The following RORA variants were observed in gnomAD, a reference collection of about 807,000 sequenced individuals.
RORA encodes the protein nuclear receptor ROR-alpha.
RORA carries 7 observed loss-of-function variants against 69.5 expected under a neutral mutation model. The observed-to-expected ratio is 0.10, with a 90% CI of 0.06 to 0.19. RORA has a LOEUF of 0.19. RORA is among the 10% of genes least tolerant of loss of function. The pLI, the probability that RORA is intolerant of heterozygous loss-of-function variation, is 1.00. For missense variants in RORA, 457 were observed against 663.0 expected, an observed-to-expected ratio of 0.69 and a Z score of 3.41; for synonymous variants, 261 against 240.8, an observed-to-expected ratio of 1.08 and a Z score of -0.78.
chr15:60,855,963 TA>T (rs2073375516), intron 1 of RORA, among the ~76,000 whole-genome samples: 1 of 152,186 alleles, frequency 6.6e-6, no homozygotes, highest in Non-Finnish European at 1.5e-5. Context: ...ATTGAACTAA[TA>T]TTAAATACAG....
At chr15:60,702,804 C>T (rs1393349457) in intron 1 of RORA, among the ~76,000 whole-genome samples, 1 of 152,192 alleles carries the variant, frequency 6.6e-6, no homozygotes, top group Non-Finnish European at 1.5e-5. Flanking sequence ...TTCTTGAAGG[C>T]TGACTTTAAC....
At chr15:60,880,829 G>A (rs1463971430) in intron 1 of RORA, among the ~76,000 whole-genome samples, 1 of 152,122 alleles carries the variant, frequency 6.6e-6, no homozygotes, top group Non-Finnish European at 1.5e-5. Context: ...ATACGTGTCT[G>A]ACCTGAGAAA....
At chr15:60,993,644 CAAAAAAAAA>C (rs3053932) in intron 1 of RORA, among the ~76,000 whole-genome samples, 3 of 83,076 alleles carry the variant, frequency 3.6e-5, no homozygotes, top group Non-Finnish European at 6.6e-5. Flanking sequence ...CTCTCCATCT[CAAAAAAAAA>C]AAAAAAAAAA....
intron 1 of RORA, among the ~76,000 whole-genome samples, chr15:61,175,542 A>AAATAAAAAAT (rs72087612): frequency 2.4e-5 from 1 of 41,856 alleles, no homozygotes; most frequent in African/African-American, 6.2e-5. Flanking sequence ...TCCTGTTTCT[A>AAATAAAAAAT]AAAAAAAAAA....
chr15:60,980,379 G>A (rs967486914), intron 1 of RORA, among the ~76,000 whole-genome samples: 2 of 152,098 alleles, frequency 1.3e-5, no homozygotes, highest in African/African-American at 4.8e-5. Flanking sequence ...AAGTATCAGG[G>A]TAATACTGAC....
rs557838014 is a variant in RORA, at chr15:60,563,866, A to T, written c.197-32015T>A. ...ACACACACAGGTAGCGATGGCCTAC[A>T]TATTTATTTTCAAGCAATGTTTTCC... On this transcript the variant is annotated intron_variant, in intron 2 of 10. Transcript: ENST00000335670. 2.2e-4 allele frequency among the ~76,000 whole-genome samples: 34 copies of T among 152,184 alleles called. 3 individuals carry two copies. The South Asian group carries it at 7.1e-3, about 32-fold the overall frequency.
intron 1 of RORA, among the ~76,000 whole-genome samples, chr15:61,100,654 T>A (rs112290377): frequency 2.8e-4 from 42 of 152,136 alleles, no homozygotes; most frequent in African/African-American, 1.0e-3. Context: ...GGGGCTGCAC[T>A]CCCCCTAATG....
chr15:61,132,981 C>A (rs1362919363), intron 1 of RORA, among the ~76,000 whole-genome samples: 1 of 151,992 alleles, frequency 6.6e-6, no homozygotes, highest in Non-Finnish European at 1.5e-5. Context: ...ATAAAAATAG[C>A]CTGCTTTTTT....
chr15:60,993,716 C>G lies in RORA; in HGVS notation c.166+235337G>C, dbSNP rs138215217. 6.6e-5 allele frequency among the ~76,000 whole-genome samples: 10 copies of G among 151,278 alleles called. No individual in the cohort carries two copies. The East Asian group carries it at 1.9e-3, about 29-fold the overall frequency. The stretch of plus-strand genomic sequence containing the variant: ...GTAGATACATTGTTATGATCAGTAC[C>G]GCATTTAATTCTCATTCAACCAGTC... On this transcript the variant is annotated intron_variant, in intron 1 of 10. Transcript: ENST00000335670.
intron 2 of RORA, among the ~76,000 whole-genome samples, chr15:60,612,659 C>CTTTTTTTTTTT (rs1567123636): frequency 8.5e-6 from 1 of 117,326 alleles, no homozygotes. Context: ...CTCTCTCTCT[C>CTTTTTTTTTTT]TGTTTTTTTT....
At chr15:61,161,887 T>G (rs11631611) in intron 1 of RORA, among the ~76,000 whole-genome samples, 24,564 of 152,152 alleles carry the variant, frequency 0.16, 2,182 homozygotes, top group African/African-American at 0.19. Context: ...TTCAATAAAT[T>G]ATGGTATAAT....
chr15:60,556,911 A>G (rs540621678), intron 2 of RORA: 114 of 1,613,468 alleles, frequency 7.1e-5, no homozygotes, highest in Admixed American at 2.5e-4. Context: ...GTGGCTTGCC[A>G]TTCTGCCTCC....
chr15:61,099,844 T>C (rs1380615528), intron 1 of RORA, among the ~76,000 whole-genome samples: 1 of 152,176 alleles, frequency 6.6e-6, no homozygotes, highest in African/African-American at 2.4e-5. Flanking sequence ...CCTTCTACCC[T>C]TAGGTGAATG....
intron 1 of RORA, among the ~76,000 whole-genome samples, chr15:60,934,219 AC>A (rs745449309): frequency 3.4e-4 from 52 of 152,266 alleles, no homozygotes; most frequent in Admixed American, 1.2e-3. Flanking sequence ...ATGCAGGGAG[AC>A]CTTTCCCAAA....
At chr15:60,873,382 T>C (rs1044944397) in intron 1 of RORA, among the ~76,000 whole-genome samples, 1 of 152,162 alleles carries the variant, frequency 6.6e-6, no homozygotes, top group Admixed American at 6.5e-5. Flanking sequence ...GAAGAAATGG[T>C]CATGCCCCTT....
chr15:60,558,873 T>C (rs543648729), intron 2 of RORA, among the ~76,000 whole-genome samples: 1 of 152,322 alleles, frequency 6.6e-6, no homozygotes, highest in Admixed American at 6.5e-5. Flanking sequence ...TAGAATTCCC[T>C]GTATCTAAAA....
At chr15:60,679,096 C>T (rs2070601420) in intron 1 of RORA, among the ~76,000 whole-genome samples, 1 of 152,148 alleles carries the variant, frequency 6.6e-6, no homozygotes, top group Non-Finnish European at 1.5e-5. Flanking sequence ...AATTAATTTG[C>T]TATGGCCATT....
At chr15:60,532,858 A>C (rs570789106) in intron 2 of RORA, among the ~76,000 whole-genome samples, 2 of 152,328 alleles carry the variant, frequency 1.3e-5, no homozygotes, top group Admixed American at 6.5e-5. Flanking sequence ...ATCATGTTAG[A>C]TTACCTACTG....
intron 1 of RORA, among the ~76,000 whole-genome samples, chr15:60,786,984 GTGAGTGGAA>G (rs1235439428): frequency 6.6e-6 from 1 of 152,236 alleles, no homozygotes; most frequent in Non-Finnish European, 1.5e-5. Context: ...GGGGTGGTGT[GTGAGTGGAA>G]TCTTGTCAGT....
Sources: gnomAD v4.1 joint callset for allele counts (sites outside exome capture counted in the v4.1 genomes callset) on GRCh38, gnomAD v4.1.1 for gene constraint, MANE v1.5 for transcripts, NCBI Gene and HGNC (gene_info 2026-07-23, HGNC 2026-07-21) for gene names.